Variants in L3HYPDH observed in about 807,000 individuals in gnomAD.
The protein encoded by L3HYPDH is trans-3-hydroxy-L-proline dehydratase.
A neutral mutation model predicts 26.5 loss-of-function variants in L3HYPDH; 32 were observed. That is an observed-to-expected ratio of 1.21 (90% confidence interval 0.91 to 1.62). L3HYPDH has a LOEUF of 1.62. L3HYPDH is among the 40% of genes most tolerant of loss of function. L3HYPDH has a pLI of 0.00. For synonymous variants in L3HYPDH, 215 were observed against 196.6 expected, an observed-to-expected ratio of 1.09 and a Z score of -0.78; for missense variants, 554 against 476.4, an observed-to-expected ratio of 1.16 and a Z score of -1.52.
chr14:59,498,703 C>A, the L3HYPDH span: 1 of 1,245,688 alleles, frequency 8.0e-7, no homozygotes, highest in Non-Finnish European at 1.1e-6. Context: ...TTTGATGTTA[C>A]AAATTCTTTA....
chr14:59,484,034 G>A lies in L3HYPDH; in HGVS notation c.283C>T (p.Leu95=). The change falls in exon 1 of 5, where the codon CTG becomes TTG. Residue 95 remains leucine, a synonymous_variant. Transcript: ENST00000247194. ...LPDAHLGVLF[L]HNEGYSSMCG... ...ATGGAGCTGTAGCCCTCGTTGTGCA[G>A]GAACAGGACGCCCAGATGCGCGTCC... 2.5e-6 allele frequency: 4 copies of A among 1,605,694 alleles called. 1 individual carries two copies. The South Asian group carries it at 4.4e-5, about 18-fold the overall frequency.
the L3HYPDH span, among the ~76,000 whole-genome samples, chr14:59,497,426 C>G: frequency 2.0e-5 from 3 of 152,252 alleles, no homozygotes; most frequent in Admixed American, 6.5e-5. Flanking sequence ...GTAATCACTT[C>G]CAGAAACTAG....
the L3HYPDH span, chr14:59,501,075 A>C: frequency 7.3e-4 from 484 of 666,004 alleles, 3 homozygotes; most frequent in East Asian, 8.0e-3. Context: ...TGTAAGTCTC[A>C]CAGAACTGGT....
At chr14:59,500,309 G>C in the L3HYPDH span, among the ~76,000 whole-genome samples, 2 of 152,128 alleles carry the variant, frequency 1.3e-5, no homozygotes, top group African/African-American at 4.8e-5. Flanking sequence ...ATTTGAAATT[G>C]TTCCAAATGG....
In L3HYPDH at chr14:59,476,145, C is replaced by G; in HGVS notation, c.748G>C (p.Asp250His). ...LYGTILTDGK[D>H]AYTKEPTTNI... ...GTGGTTGGTTCCTTGGTATAAGCAT[C>G]TTTTCCATCTGTTAATATAGTTCCA... The change falls in exon 3 of 5, where the codon GAT (aspartate) becomes CAT (histidine). Residue 250 changes from aspartate (D) to histidine (H), a missense_variant. Coordinates refer to ENST00000247194, the MANE Select transcript of L3HYPDH (RefSeq NM_144581.2). The G allele has an allele frequency of 6.2e-7, 1 of 1,613,876 alleles. No individual in the cohort carries two copies. The highest frequency in any genetic ancestry group is 8.5e-7 in the Non-Finnish European group (1 of 1,179,814).
At chr14:59,465,945 G>A (rs1234066946) in intron 1 of L3HYPDH, among the ~76,000 whole-genome samples, 1 of 152,204 alleles carries the variant, frequency 6.6e-6, no homozygotes, top group African/African-American at 2.4e-5. Flanking sequence ...CGCGGGTGGT[G>A]ATGATGATGC....
At chr14:59,481,591 A>C (rs1045515720) in intron 1 of L3HYPDH, among the ~76,000 whole-genome samples, 1 of 152,250 alleles carries the variant, frequency 6.6e-6, no homozygotes. Flanking sequence ...ACTTTGCTCA[A>C]GATTTAGTGA....
chr14:59,488,259 G>A (rs1438889873), upstream of L3HYPDH, among the ~76,000 whole-genome samples: 1 of 151,882 alleles, frequency 6.6e-6, no homozygotes, highest in Non-Finnish European at 1.5e-5. Flanking sequence ...CATTTACTAA[G>A]CACTGCATTT....
chr14:59,479,115 A>G (rs765583918), intron 2 of L3HYPDH, 67 bp downstream of exon 2: 14 of 1,134,620 alleles, frequency 1.2e-5, no homozygotes, highest in Non-Finnish European at 1.8e-5. Context: ...CTTTATAGAC[A>G]TAATAATGTA....
chr14:59,485,383 G>A, upstream of L3HYPDH: 1 of 351,840 alleles, frequency 2.8e-6, no homozygotes, highest in Non-Finnish European at 5.1e-6. Context: ...GGTTTAAAAA[G>A]CTAAGTCCGA....
the L3HYPDH span, among the ~76,000 whole-genome samples, chr14:59,493,670 T>C: frequency 2.0e-5 from 3 of 152,206 alleles, no homozygotes; most frequent in African/African-American, 7.2e-5. Flanking sequence ...ACAGTACAAG[T>C]ACTGTGACAT....
rs760375291 is a variant in L3HYPDH at position 59,484,306 on chromosome 14, G to A, written c.11C>T (p.Ala4Val). The A allele has an allele frequency of 6.3e-7, 1 of 1,588,944 alleles. No individual in the cohort carries two copies. The highest frequency in any genetic ancestry group is 8.5e-7 in the Non-Finnish European group (1 of 1,175,010). ...CGGGGGCAGCCGGGGCACCGCCAGCGCGCTCTCCATGGTCTGCGTCGGGGG... is the reference window on the plus strand; with the variant it reads ...CGGGGGCAGCCGGGGCACCGCCAGCACGCTCTCCATGGTCTGCGTCGGGGG... MES[A>V]LAVPRLPPHD... is the part of the protein sequence containing the mutation. Residue 4 changes from alanine (A) to valine (V), a missense_variant, in exon 1 of 5, where the codon GCG (alanine) becomes GTG (valine). Ala to Val is a moderately conservative substitution (Grantham distance 64). Coordinates refer to ENST00000247194, the MANE Select transcript of L3HYPDH (RefSeq NM_144581.2).
chr14:59,478,898 C>T (rs1484448172), intron 2 of L3HYPDH: 8 of 277,266 alleles, frequency 2.9e-5, no homozygotes, highest in South Asian at 8.1e-5. Flanking sequence ...CTAACACTAA[C>T]GAGAGCTGAT....
intron 1 of L3HYPDH, among the ~76,000 whole-genome samples, chr14:59,482,615 A>C (rs868786504): frequency 2.0e-5 from 3 of 152,212 alleles, no homozygotes; most frequent in African/African-American, 7.2e-5. Context: ...GTGGCCTCCC[A>C]GTCTGGAAGT....
chr14:59,494,336 C>T, the L3HYPDH span, among the ~76,000 whole-genome samples: 1 of 152,126 alleles, frequency 6.6e-6, no homozygotes, highest in Non-Finnish European at 1.5e-5. Flanking sequence ...ATAAACAAAT[C>T]ACAGTATTGT....
Position 59,472,874 on chromosome 14 carries a change from ATAATT to A in L3HYPDH, c.*86_*90del. ...AAAGAATGAGAGTTAGTTTATATGT[ATAATT>A]TATTTGTTTTCATATAATTTAGAGA... On this transcript the variant is annotated 3_prime_UTR_variant, in exon 5 of 5. Coordinates refer to ENST00000247194, the MANE Select transcript of L3HYPDH (RefSeq NM_144581.2). 8.6e-7 allele frequency: 1 copy of A among 1,166,382 alleles called. No homozygotes were observed. Among genetic ancestry groups the A allele is most frequent in the Non-Finnish European group, 1.2e-6 (1 of 849,408 alleles). The allele number at this position is 1,166,382 out of a possible 1,614,324, so 72.3% of individuals were successfully genotyped here.
Position 59,479,245 on chromosome 14 carries a change from A to T in L3HYPDH, c.615T>A (p.Cys205Ter). Residue 205 changes from cysteine (C) to a stop codon, truncating the protein, a stop_gained, in exon 2 of 5, where the codon TGT becomes TGA. Coordinates refer to ENST00000247194, the MANE Select transcript of L3HYPDH (RefSeq NM_144581.2). LOFTEE classifies it high-confidence loss of function. ...VTAEKLGLDI[C>*]SAKTRDLVDA... is the part of the protein sequence containing the mutation. Reference sequence around the variant, plus strand: ...CCACAAGGTCCCTGGTCTTTGCAGAACAAATGTCTAGTCCTAACTTTTCAG... The same window carrying T: ...CCACAAGGTCCCTGGTCTTTGCAGATCAAATGTCTAGTCCTAACTTTTCAG... 1 of 1,613,798 alleles carries T rather than the reference A, an allele frequency of 6.2e-7. No individual in the cohort carries two copies. The highest frequency in any genetic ancestry group is 8.5e-7 in the Non-Finnish European group (1 of 1,179,954).
At chr14:59,496,300 T>G in the L3HYPDH span, among the ~76,000 whole-genome samples, 2 of 151,106 alleles carry the variant, frequency 1.3e-5, no homozygotes, top group African/African-American at 4.8e-5. Context: ...ACACTGATAA[T>G]GTCCTTTTTG....
the L3HYPDH span, among the ~76,000 whole-genome samples, chr14:59,492,922 C>T: frequency 2.0e-5 from 3 of 151,782 alleles, no homozygotes; most frequent in Non-Finnish European, 4.4e-5. Context: ...CTCAGCCTCC[C>T]GAGTAGCTGG....
Sources: gnomAD v4.1 joint callset for allele counts (sites outside exome capture counted in the v4.1 genomes callset) on GRCh38, gnomAD v4.1.1 for gene constraint, MANE v1.5 for transcripts, NCBI Gene and HGNC (gene_info 2026-07-23, HGNC 2026-07-21) for gene names.